The following PRKAG2 variants were observed in gnomAD, a reference collection of about 807,000 sequenced individuals.
The protein encoded by PRKAG2 is 5'-AMP-activated protein kinase subunit gamma-2.
PRKAG2 carries 26 observed loss-of-function variants against 69.6 expected under a neutral mutation model. The ratio of observed to expected loss-of-function variants is 0.37; its 90% CI spans 0.27 to 0.52. The LOEUF (loss-of-function observed/expected upper bound fraction) is 0.52. PRKAG2 is among the 20% of genes least tolerant of loss of function. The pLI is 0.90. For synonymous variants in PRKAG2, 293 were observed against 285.0 expected (o/e 1.03, Z -0.28); for missense variants, 557 against 740.0 (o/e 0.75, Z 2.87).
intron 4 of PRKAG2, among the ~76,000 whole-genome samples, chr7:151,651,704 C>T (rs1229531727): frequency 2.0e-5 from 3 of 152,188 alleles, no homozygotes; most frequent in Non-Finnish European, 4.4e-5. Context: ...GATATGGTGT[C>T]AGATTACACA....
At chr7:151,661,666 C>T (rs779328188) in intron 4 of PRKAG2, among the ~76,000 whole-genome samples, 4 of 152,186 alleles carry the variant, frequency 2.6e-5, no homozygotes, top group African/African-American at 7.2e-5. Flanking sequence ...GAGTCCTGCA[C>T]GAAGCCTCCA....
intron 1 of PRKAG2, chr7:151,806,971 T>C (rs79471300): frequency 0.012 from 5,423 of 454,054 alleles, 250 homozygotes; most frequent in African/African-American, 0.097. Context: ...CCTCCTAATG[T>C]ACTCATTTAA....
In PRKAG2 at chr7:151,616,497, T is replaced by G. The variant is rs59592715; in HGVS notation, c.754+15572A>C. Among the ~76,000 whole-genome samples, 1,393 of 152,330 alleles carry G rather than the reference T, an allele frequency of 9.1e-3. 19 individuals carry two copies. Among genetic ancestry groups the G allele is most frequent in the African/African-American group, 0.031 (1,299 of 41,588 alleles). ...TGGCAACTTGCATCATGAACCTGTC[T>G]TCCAGAACTACTGCAGGAATAGGCC... On this transcript the variant is annotated intron_variant, in intron 5 of 15. Transcript: ENST00000287878.
intron 5 of PRKAG2, among the ~76,000 whole-genome samples, chr7:151,621,945 A>G (rs1821623096): frequency 6.6e-6 from 1 of 152,216 alleles, no homozygotes; most frequent in Non-Finnish European, 1.5e-5. Flanking sequence ...TTCTTTCTAA[A>G]GCTTTGCATT....
chr7:151,634,942 T>G (rs78140335), intron 4 of PRKAG2, among the ~76,000 whole-genome samples: 1 of 145,220 alleles, frequency 6.9e-6, no homozygotes, highest in Non-Finnish European at 1.5e-5. Context: ...AACCACTGTT[T>G]TTTTTTTTTT....
rs1030018575 is a variant in PRKAG2 at position 151,777,519 on chromosome 7, T to C, written c.466+3633A>G. Among the ~76,000 whole-genome samples the C allele has an allele frequency of 3.9e-5, 6 of 152,102 alleles. No individual in the cohort carries two copies. The highest frequency in any genetic ancestry group is 1.2e-4 in the African/African-American group (5 of 41,420). Reference sequence around the variant, plus strand: ...TGGGTGCTTTAAAGACTCCAGTACCTCCCCCCTCTCTCTTGCTCCCTTGCG... The same window carrying C: ...TGGGTGCTTTAAAGACTCCAGTACCCCCCCCCTCTCTCTTGCTCCCTTGCG... On this transcript the variant is annotated intron_variant, in intron 3 of 15. Transcript: ENST00000287878. The surrounding 1 kb of genome is among the most constrained non-coding windows in gnomAD (Gnocchi z 4.3).
intron 3 of PRKAG2, among the ~76,000 whole-genome samples, chr7:151,768,088 G>A (rs1304102871): frequency 6.6e-6 from 1 of 152,216 alleles, no homozygotes; most frequent in East Asian, 1.9e-4. Context: ...GGGGAGCTTA[G>A]AAAGCATGTT....
chr7:151,764,356 G>A (rs1201229474), intron 3 of PRKAG2, among the ~76,000 whole-genome samples: 3 of 152,220 alleles, frequency 2.0e-5, no homozygotes, highest in Non-Finnish European at 4.4e-5. Context: ...GAGAAAGGCT[G>A]TCCAGAGACC....
intron 5 of PRKAG2, among the ~76,000 whole-genome samples, chr7:151,627,658 G>A (rs151025917): frequency 1.1e-4 from 17 of 152,230 alleles, no homozygotes; most frequent in African/African-American, 2.9e-4. Flanking sequence ...ATTGAGGCAC[G>A]TTCTGGAAAG....
intron 1 of PRKAG2, among the ~76,000 whole-genome samples, chr7:151,823,501 C>T (rs1375727424): frequency 1.3e-5 from 2 of 150,712 alleles, no homozygotes; most frequent in Non-Finnish European, 1.5e-5. Flanking sequence ...GGTGCAGACC[C>T]CTCTCCTAAG....
At chr7:151,603,180 G>C (rs868497100) in intron 5 of PRKAG2, among the ~76,000 whole-genome samples, 2,910 of 107,072 alleles carry the variant, frequency 0.027, 119 homozygotes, top group African/African-American at 0.11. Flanking sequence ...CACACGGAGG[G>C]ACACGCTCCG....
chr7:151,724,841 A>C (rs1354300702), intron 3 of PRKAG2, among the ~76,000 whole-genome samples: 1 of 152,044 alleles, frequency 6.6e-6, no homozygotes, highest in Non-Finnish European at 1.5e-5. Context: ...GGCACCAGAA[A>C]GCACCCCCCG....
chr7:151,632,114 G>A lies in PRKAG2; in HGVS notation c.709C>T (p.Pro237Ser), dbSNP rs1443389660. 2.1e-6 allele frequency: 3 copies of A among 1,411,346 alleles called. No individual in the cohort carries two copies. Among genetic ancestry groups the A allele is most frequent in the Admixed American group, 2.1e-5 (1 of 47,156 alleles). 87.4% of individuals were successfully genotyped at this position (1,411,346 alleles called of 1,614,324 possible). ...TTCTCCAGCATGCCGGCTTCCGCGG[G>A]TCCCAGGGCCGCCGCCAGCGCCGCC... ...KAAALAAALG[P>S]AEAGMLEKLE... The change falls in exon 5 of 16, where the codon CCC becomes TCC. Residue 237 changes from proline to serine, a missense_variant. Physicochemically the swap from Pro to Ser is moderately conservative, Grantham distance 74. Transcript: ENST00000287878. This position sits in a 1 kb window ranked among gnomAD's most constrained non-coding sequence, Gnocchi z 4.2.
intron 5 of PRKAG2, among the ~76,000 whole-genome samples, chr7:151,627,762 G>A (rs1860739): frequency 0.72 from 109,308 of 152,142 alleles, 39,940 homozygotes; most frequent in Non-Finnish European, 0.78. Context: ...ACATGCGCTC[G>A]GGTGATCCTC....
intron 3 of PRKAG2, among the ~76,000 whole-genome samples, chr7:151,751,067 C>G (rs554033797): frequency 2.0e-5 from 3 of 150,884 alleles, no homozygotes; most frequent in Admixed American, 1.3e-4. Flanking sequence ...ATTGCCTAGG[C>G]ATGTCTTTTG....
intron 1 of PRKAG2, among the ~76,000 whole-genome samples, chr7:151,872,287 G>T (rs895027297): frequency 6.6e-6 from 1 of 152,014 alleles, no homozygotes; most frequent in Non-Finnish European, 1.5e-5. Flanking sequence ...CCTTACCCTG[G>T]GGGGGGGCTT....
At position 151,715,322 on chromosome 7, in the gene PRKAG2, C is replaced by CAAAAAAAAAAAAAA. The variant is rs34971340; in HGVS notation, c.467-39699_467-39686dup. ...TGAGCCACTGCACCTGGCCTAAAAG[C>CAAAAAAAAAAAAAA]AAAAAAAAAAAAAAAAAAAAAAAAA... On this transcript the variant is annotated intron_variant, in intron 3 of 15. Transcript: ENST00000287878. Among the ~76,000 whole-genome samples the CAAAAAAAAAAAAAA allele has an allele frequency of 1.4e-4, 9 of 62,438 alleles. 1 individual carries two copies. Among genetic ancestry groups the CAAAAAAAAAAAAAA allele is most frequent in the African/African-American group, 6.4e-4 (9 of 14,034 alleles). 41.0% of individuals were successfully genotyped at this position (62,438 alleles called of 152,430 possible). A position where few individuals can be genotyped will look rare whatever the true frequency, so the allele number is the denominator to read the frequency against.
intron 13 of PRKAG2, 29 bp from the exon 14 acceptor site, chr7:151,564,253 T>A: frequency 1.2e-6 from 2 of 1,613,098 alleles, no homozygotes; most frequent in African/African-American, 1.3e-5. Context: ...ATAAATTATA[T>A]CCTTTCATTT....
At chr7:151,569,591 T>C (rs1807077922) in intron 10 of PRKAG2, among the ~76,000 whole-genome samples, 1 of 152,260 alleles carries the variant, frequency 6.6e-6, no homozygotes, top group African/African-American at 2.4e-5. Context: ...TTATACCTTT[T>C]TGTTAGGACT....
Sources: gnomAD v4.1 joint callset for allele counts (sites outside exome capture counted in the v4.1 genomes callset) on GRCh38, gnomAD v4.1.1 for gene constraint, Gnocchi (gnomAD v3.1) non-coding constraint, MANE v1.5 for transcripts, NCBI Gene and HGNC (gene_info 2026-07-23, HGNC 2026-07-21) for gene names.